The following TSNARE1 variants were observed in gnomAD, a reference collection of about 807,000 sequenced individuals.
The protein encoded by TSNARE1 is t-SNARE domain containing 1.
A neutral mutation model predicts 62.0 loss-of-function variants in TSNARE1; 49 were observed. The ratio of observed to expected loss-of-function variants is 0.79; its 90% CI spans 0.63 to 1.00. TSNARE1 has a LOEUF of 1.00. TSNARE1 is among the 50% of genes least tolerant of loss of function. The pLI is 0.00. For missense variants in TSNARE1, 755 were observed against 700.1 expected, an observed-to-expected ratio of 1.08 and a Z score of -0.88; for synonymous variants, 328 against 294.4, an observed-to-expected ratio of 1.11 and a Z score of -1.17.
intron 12 of TSNARE1, among the ~76,000 whole-genome samples, chr8:142,260,980 G>GGTAGGAGGAAA (rs1310409886): frequency 2.9e-5 from 2 of 69,036 alleles, no homozygotes; most frequent in Non-Finnish European, 6.6e-5. Flanking sequence ...GAGGGAGGGA[G>GGTAGGAGGAAA]GGAGGAGAGA....
At chr8:142,274,712 G>A in intron 12 of TSNARE1, 69 bp downstream of exon 12, 1 of 1,422,506 alleles carries the variant, frequency 7.0e-7, no homozygotes, top group Non-Finnish European at 9.2e-7. Flanking sequence ...CAGACAGACG[G>A]AGGGAGGGTT....
intron 7 of TSNARE1, among the ~76,000 whole-genome samples, chr8:142,317,303 C>A (rs1174536000): frequency 1.6e-5 from 2 of 127,562 alleles, no homozygotes; most frequent in African/African-American, 5.8e-5. Context: ...GCGGGTATGG[C>A]CAGCGGCTCA....
chr8:142,227,376 C>CTCCACTGCA (rs1816880933), intron 13 of TSNARE1, among the ~76,000 whole-genome samples: 1 of 111,330 alleles, frequency 9.0e-6, no homozygotes, highest in African/African-American at 4.7e-5. Context: ...CAGCCAGGAC[C>CTCCACTGCA]CCCATCCTGC....
At chr8:142,249,470 C>T (rs559521627) in intron 12 of TSNARE1, among the ~76,000 whole-genome samples, 1 of 152,272 alleles carries the variant, frequency 6.6e-6, no homozygotes, top group East Asian at 1.9e-4. Flanking sequence ...GGTGGCAATT[C>T]CCAAGATCCC....
At chr8:142,293,162 C>G (rs540893838) in intron 10 of TSNARE1, among the ~76,000 whole-genome samples, 1 of 152,300 alleles carries the variant, frequency 6.6e-6, no homozygotes, top group South Asian at 2.1e-4. Flanking sequence ...CATCTGCTGC[C>G]GTTCTCAGTG....
Position 142,302,518 on chromosome 8 carries a change from T to C in TSNARE1, c.1132-1874A>G, listed in dbSNP as rs534008001. ...GATGGGGGCTGCCCAGCTCACACCA[T>C]AGCCAGGGACTCAGCCACAGGCCCC... On this transcript the variant is annotated intron_variant, in intron 9 of 13. Coordinates refer to ENST00000524325, the MANE Select transcript of TSNARE1 (RefSeq NM_145003.5). Among the ~76,000 whole-genome samples, 317 of 152,170 alleles carry C rather than the reference T, an allele frequency of 2.1e-3. 1 individual carries two copies. The highest frequency in any genetic ancestry group is 3.6e-3 in the Non-Finnish European group (246 of 67,962).
At chr8:142,268,578 T>A (rs1819261547) in intron 12 of TSNARE1, among the ~76,000 whole-genome samples, 1 of 152,246 alleles carries the variant, frequency 6.6e-6, no homozygotes, top group East Asian at 1.9e-4. Flanking sequence ...TACCCCAGCA[T>A]CCAGTCCCTT....
In TSNARE1 at chr8:142,329,959, G is replaced by A. The variant is rs141494039; in HGVS notation, c.893+942C>T. Reference sequence around the variant, plus strand: ...TTGAACGGAGCCGCCGTGAGGAGGAGCAGAGACTCCAGCACCCTCCACCCT... The same window carrying A: ...TTGAACGGAGCCGCCGTGAGGAGGAACAGAGACTCCAGCACCCTCCACCCT... On this transcript the variant is annotated intron_variant, in intron 6 of 13. Coordinates refer to ENST00000524325, the MANE Select transcript of TSNARE1 (RefSeq NM_145003.5). Among the ~76,000 whole-genome samples the A allele has an allele frequency of 1.0e-3, 159 of 152,364 alleles. 1 individual carries two copies. The highest frequency in any genetic ancestry group is 3.8e-3 in the African/African-American group (156 of 41,588).
chr8:142,274,667 C>T (rs1285712825), intron 12 of TSNARE1, 114 bp downstream of exon 12: 23 of 1,370,668 alleles, frequency 1.7e-5, no homozygotes, highest in Non-Finnish European at 2.1e-5. Flanking sequence ...TGTGGGCATG[C>T]CCCTCCCAGG....
chr8:142,361,056 G>C (rs1835117141), intron 1 of TSNARE1, among the ~76,000 whole-genome samples: 1 of 152,242 alleles, frequency 6.6e-6, no homozygotes, highest in African/African-American at 2.4e-5. Flanking sequence ...CCTGGCTTGA[G>C]AGCAGGTCGC....
At chr8:142,376,495 C>T (rs1248198589) in intron 1 of TSNARE1, among the ~76,000 whole-genome samples, 1 of 152,166 alleles carries the variant, frequency 6.6e-6, no homozygotes, top group Non-Finnish European at 1.5e-5. Context: ...GCCGTCTTTC[C>T]ACCATGTGTG....
Position 142,344,462 on chromosome 8 carries a change from A to G in TSNARE1, c.249T>C (p.Val83=), listed in dbSNP as rs1833078726. ...VPRARKRGPG[V]APEGSRMPEP... is the part of the protein sequence containing the mutation. The stretch of plus-strand genomic sequence containing the variant: ...CCGGCATCCGGCTGCCTTCAGGGGC[A>G]ACCCCAGGCCCTGGAAAGGCACCAA... Residue 83 remains valine, a synonymous_variant, in exon 4 of 14, where the codon GTT becomes GTC. Coordinates refer to ENST00000524325, the MANE Select transcript of TSNARE1 (RefSeq NM_145003.5). 1 of 1,558,680 alleles carries G rather than the reference A, an allele frequency of 6.4e-7. No homozygotes were observed.
Position 142,260,292 on chromosome 8 carries a change from G to A in TSNARE1, c.1446+14489C>T, listed in dbSNP as rs560835882. Among the ~76,000 whole-genome samples, 4 of 152,282 alleles carry A rather than the reference G, an allele frequency of 2.6e-5. No individual in the cohort carries two copies. The South Asian group carries it at 8.3e-4, about 32-fold the overall frequency. ...ACTAGCTCAGAGCCTGAGAGCCACAGAAGCACAACTGTTTAGAGATGGAAA... is the reference window on the plus strand; with the variant it reads ...ACTAGCTCAGAGCCTGAGAGCCACAAAAGCACAACTGTTTAGAGATGGAAA... On this transcript the variant is annotated intron_variant, in intron 12 of 13. Transcript: ENST00000524325.
chr8:142,222,543 T>C (rs200719274), intron 13 of TSNARE1, among the ~76,000 whole-genome samples: 17,207 of 61,268 alleles, frequency 0.28, 4,544 homozygotes, highest in Non-Finnish European at 0.33. Context: ...CACTCACTCA[T>C]TCACTCACTC....
At chr8:142,389,563 C>T (rs2131337578) in intron 1 of TSNARE1, among the ~76,000 whole-genome samples, 1 of 152,268 alleles carries the variant, frequency 6.6e-6, no homozygotes. Flanking sequence ...CGAAAGTCAC[C>T]TAAATGTCCA....
intron 13 of TSNARE1, among the ~76,000 whole-genome samples, chr8:142,213,601 G>A (rs578195371): frequency 3.3e-5 from 5 of 152,298 alleles, no homozygotes; most frequent in South Asian, 2.1e-4. Flanking sequence ...CTGCGGCCAG[G>A]AGCAAAAGGC....
chr8:142,249,136 C>T (rs549243806), intron 12 of TSNARE1, among the ~76,000 whole-genome samples: 4 of 152,364 alleles, frequency 2.6e-5, no homozygotes, highest in African/African-American at 2.4e-5. Context: ...CACGGGGCCA[C>T]GCTACGACTC....
At chr8:142,393,964 C>T (rs1444801886) in intron 1 of TSNARE1, among the ~76,000 whole-genome samples, 1 of 152,202 alleles carries the variant, frequency 6.6e-6, no homozygotes, top group Non-Finnish European at 1.5e-5. Flanking sequence ...GAACACACAC[C>T]TTTGTTGCTT....
At chr8:142,400,905 G>C (rs567621412) in intron 1 of TSNARE1, among the ~76,000 whole-genome samples, 2 of 152,326 alleles carry the variant, frequency 1.3e-5, no homozygotes, top group Non-Finnish European at 2.9e-5. Context: ...AGAGTAAACT[G>C]AGTAATGAAC....
Sources: gnomAD v4.1 joint callset for allele counts (sites outside exome capture counted in the v4.1 genomes callset) on GRCh38, gnomAD v4.1.1 for gene constraint, MANE v1.5 for transcripts, NCBI Gene and HGNC (gene_info 2026-07-23, HGNC 2026-07-21) for gene names.